RAB38: variants seen among roughly 807,000 people sequenced by gnomAD.
RAB38 encodes ras-related protein Rab-38.
RAB38 carries 15 observed loss-of-function variants against 18.4 expected under a neutral mutation model. That is an observed-to-expected ratio of 0.82 (90% CI 0.55 to 1.26). RAB38 has a LOEUF of 1.26. RAB38 is among the 50% of genes most tolerant of loss of function. The probability of loss-of-function intolerance (pLI) is 0.00; values close to 1 mark genes in which losing one functional copy is unlikely to be tolerated. For missense variants in RAB38, 294 were observed against 267.4 expected, an observed-to-expected ratio of 1.10 and a Z score of -0.69; for synonymous variants, 101 against 104.4, an observed-to-expected ratio of 0.97 and a Z score of 0.20.
At chr11:87,885,973 G>T in the RAB38 span, among the ~76,000 whole-genome samples, 1 of 151,938 alleles carries the variant, frequency 6.6e-6, no homozygotes, top group African/African-American at 2.4e-5. Flanking sequence ...TGTTGGGAGA[G>T]AAGCTGAGGC....
chr11:88,096,614 A>C, the RAB38 span, among the ~76,000 whole-genome samples: 2 of 151,906 alleles, frequency 1.3e-5, no homozygotes, highest in African/African-American at 4.8e-5. Flanking sequence ...GTTGTTGATA[A>C]ATGAGTTATA....
the RAB38 span, among the ~76,000 whole-genome samples, chr11:87,891,452 T>A: frequency 6.6e-6 from 1 of 151,958 alleles, no homozygotes; most frequent in East Asian, 2.0e-4. Context: ...GATTTTGTGA[T>A]TGGATTGTGT....
the RAB38 span, among the ~76,000 whole-genome samples, chr11:87,877,822 T>C: frequency 3.3e-5 from 5 of 151,512 alleles, no homozygotes; most frequent in African/African-American, 1.2e-4. Flanking sequence ...ACTATCTGGT[T>C]TTCTACAATA....
the RAB38 span, among the ~76,000 whole-genome samples, chr11:88,027,793 G>A: frequency 2.0e-5 from 3 of 152,220 alleles, no homozygotes; most frequent in Non-Finnish European, 2.9e-5. Flanking sequence ...CCACCTCTGG[G>A]GGCAGGGAAC....
chr11:87,943,629 A>G, the RAB38 span, among the ~76,000 whole-genome samples: 3 of 152,272 alleles, frequency 2.0e-5, no homozygotes, highest in Admixed American at 1.3e-4. Context: ...TGTGTAGTGT[A>G]AGAGGATTCA....
At chr11:88,149,442 T>C (rs1030405351) in intron 2 of RAB38, among the ~76,000 whole-genome samples, 1 of 152,204 alleles carries the variant, frequency 6.6e-6, no homozygotes, top group Non-Finnish European at 1.5e-5. Context: ...ACTATTACTA[T>C]TGAAACCTTG....
At chr11:88,074,431 C>A in the RAB38 span, among the ~76,000 whole-genome samples, 4 of 152,122 alleles carry the variant, frequency 2.6e-5, no homozygotes, top group Non-Finnish European at 4.4e-5. Flanking sequence ...AAAATTATTT[C>A]TTTGTTGATA....
chr11:88,149,642 T>C, intron 2 of RAB38, 33 bp downstream of exon 2: 13 of 1,572,336 alleles, frequency 8.3e-6, no homozygotes, highest in Non-Finnish European at 1.1e-5. Flanking sequence ...TGAACCTTGC[T>C]TATATTAAGC....
chr11:87,827,286 T>A, the RAB38 span, among the ~76,000 whole-genome samples: 1 of 151,936 alleles, frequency 6.6e-6, no homozygotes, highest in Non-Finnish European at 1.5e-5. Context: ...TTATTTTTAT[T>A]TTTATTATTT....
chr11:88,099,092 C>T, the RAB38 span, among the ~76,000 whole-genome samples: 1 of 151,700 alleles, frequency 6.6e-6, no homozygotes, highest in African/African-American at 2.4e-5. Flanking sequence ...TCTAATAAAG[C>T]TCTTTAATCA....
the RAB38 span, among the ~76,000 whole-genome samples, chr11:87,854,085 T>G: frequency 5.3e-5 from 8 of 152,016 alleles, no homozygotes; most frequent in East Asian, 3.9e-4. Context: ...AGGCTAAATA[T>G]CCTATCTCCA....
At chr11:87,974,611 G>A in the RAB38 span, among the ~76,000 whole-genome samples, 1 of 151,566 alleles carries the variant, frequency 6.6e-6, no homozygotes, top group Non-Finnish European at 1.5e-5. Context: ...AGCAAAAATT[G>A]TAAGCCTACA....
At chr11:87,812,767 TG>T in the RAB38 span, among the ~76,000 whole-genome samples, 3 of 152,356 alleles carry the variant, frequency 2.0e-5, 1 homozygote, top group Non-Finnish European at 4.4e-5. Context: ...CAGTAATTTC[TG>T]GTTGCTTGGA....
intron 1 of RAB38, among the ~76,000 whole-genome samples, chr11:88,157,161 A>G (rs900135177): frequency 6.6e-6 from 1 of 152,248 alleles, no homozygotes; most frequent in African/African-American, 2.4e-5. Context: ...TCCAGCACAC[A>G]AACAGAAAAC....
At chr11:87,874,561 A>T in the RAB38 span, among the ~76,000 whole-genome samples, 1 of 151,296 alleles carries the variant, frequency 6.6e-6, no homozygotes, top group South Asian at 2.1e-4. Context: ...TGATGAGTTA[A>T]TGGGTGCAGC....
intron 2 of RAB38, among the ~76,000 whole-genome samples, chr11:88,121,774 G>A (rs917722027): frequency 6.6e-6 from 1 of 152,064 alleles, no homozygotes; most frequent in African/African-American, 2.4e-5. Context: ...ATGTTGGCCA[G>A]GATGCTCTCG....
At chr11:88,057,546 G>T in the RAB38 span, among the ~76,000 whole-genome samples, 1 of 152,090 alleles carries the variant, frequency 6.6e-6, no homozygotes, top group African/African-American at 2.4e-5. Context: ...GAAGCACACA[G>T]CATGTAGTGT....
the RAB38 span, among the ~76,000 whole-genome samples, chr11:88,038,019 A>G: frequency 6.6e-6 from 1 of 152,172 alleles, no homozygotes; most frequent in East Asian, 1.9e-4. Flanking sequence ...TGTATTGTCT[A>G]TGTATATAGA....
the RAB38 span, among the ~76,000 whole-genome samples, chr11:88,006,432 A>G: frequency 6.6e-6 from 1 of 151,486 alleles, no homozygotes; most frequent in Non-Finnish European, 1.5e-5. Context: ...TTGGGTATAT[A>G]TTCAAAGAAA....
Sources: gnomAD v4.1 joint callset for allele counts (sites outside exome capture counted in the v4.1 genomes callset) on GRCh38, gnomAD v4.1.1 for gene constraint, MANE v1.5 for transcripts, NCBI Gene and HGNC (gene_info 2026-07-23, HGNC 2026-07-21) for gene names.